SLC4A4: variants seen among roughly 807,000 people sequenced by gnomAD.
The protein encoded by SLC4A4 is electrogenic sodium bicarbonate cotransporter 1.
Under a neutral mutation model 111.5 loss-of-function variants are expected in SLC4A4, and 27 were observed. That is an observed-to-expected ratio of 0.24 (90% confidence interval 0.18 to 0.33). SLC4A4 has a LOEUF of 0.33. Ranked by LOEUF, SLC4A4 falls within the 10% of genes least tolerant of loss-of-function variation. The pLI, the probability that SLC4A4 is intolerant of heterozygous loss-of-function variation, is 1.00. For synonymous variants in SLC4A4, 443 were observed against 463.4 expected, an observed-to-expected ratio of 0.96 and a Z score of 0.57; for missense variants, 909 against 1,315.5, an observed-to-expected ratio of 0.69 and a Z score of 4.78.
intron 11 of SLC4A4, among the ~76,000 whole-genome samples, chr4:71,453,036 G>A (rs759926582): frequency 1.1e-4 from 16 of 152,154 alleles, no homozygotes; most frequent in Non-Finnish European, 2.4e-4. Context: ...ACTCAGAAGA[G>A]TGCCAGAGTG....
chr4:71,229,785 GA>G (rs1430090790), intron 1 of SLC4A4, among the ~76,000 whole-genome samples: 10 of 150,250 alleles, frequency 6.7e-5, no homozygotes, highest in Admixed American at 4.6e-4. Context: ...CTGTGGGAAT[GA>G]AAGGCCTTCT....
At chr4:71,544,073 A>G (rs1735297682) in intron 18 of SLC4A4, among the ~76,000 whole-genome samples, 1 of 152,216 alleles carries the variant, frequency 6.6e-6, no homozygotes, top group East Asian at 1.9e-4. Flanking sequence ...CATATTACTT[A>G]CAGTCTAATG....
At chr4:71,246,973 C>T (rs1720712438) in intron 2 of SLC4A4, among the ~76,000 whole-genome samples, 1 of 152,056 alleles carries the variant, frequency 6.6e-6, no homozygotes, top group Non-Finnish European at 1.5e-5. Flanking sequence ...GCTGCTGTGT[C>T]AATGAATGTC....
chr4:71,416,197 A>G (rs1721808972), intron 7 of SLC4A4, among the ~76,000 whole-genome samples: 1 of 152,190 alleles, frequency 6.6e-6, no homozygotes, highest in Admixed American at 6.5e-5. Flanking sequence ...TGCCTTTTCT[A>G]GTTTTGTGAT....
At chr4:71,300,665 G>T in intron 3 of SLC4A4, 1 of 382,386 alleles carries the variant, frequency 2.6e-6, no homozygotes. Context: ...TCCAGGATGA[G>T]GAGCAGCAGG....
chr4:71,240,665 T>TA (rs200425406), intron 2 of SLC4A4, among the ~76,000 whole-genome samples: 1 of 152,130 alleles, frequency 6.6e-6, no homozygotes, highest in Non-Finnish European at 1.5e-5. Flanking sequence ...TCAGGAAAAG[T>TA]AAAAAAAGTA....
intron 6 of SLC4A4, among the ~76,000 whole-genome samples, chr4:71,373,060 A>G (rs1056243423): frequency 1.3e-5 from 2 of 152,200 alleles, no homozygotes; most frequent in Admixed American, 6.5e-5. Flanking sequence ...TTAAAATTAC[A>G]TAATTTTTCT....
intron 6 of SLC4A4, among the ~76,000 whole-genome samples, chr4:71,391,006 T>C (rs180943821): frequency 1.3e-5 from 2 of 152,252 alleles, no homozygotes; most frequent in East Asian, 3.9e-4. Flanking sequence ...TACTCTCGAA[T>C]ATAGACATTT....
At chr4:71,160,819 A>C (rs16845938) in intron 2 of SLC4A4, among the ~76,000 whole-genome samples, 16,352 of 152,204 alleles carry the variant, frequency 0.11, 1,547 homozygotes, top group African/African-American at 0.25. Flanking sequence ...AATTAAAAAC[A>C]AAAGGATTTG....
chr4:71,546,920 A>G (rs1244489809), intron 19 of SLC4A4, among the ~76,000 whole-genome samples: 1 of 151,884 alleles, frequency 6.6e-6, no homozygotes, highest in Non-Finnish European at 1.5e-5. Context: ...TTTCCAATTC[A>G]TTTTCTGTCC....
At chr4:71,547,811 G>A (rs1301915465) in intron 20 of SLC4A4, 91 bp downstream of exon 20, 4 of 1,093,320 alleles carry the variant, frequency 3.7e-6, no homozygotes, top group African/African-American at 1.5e-5. Flanking sequence ...AGATATTTGC[G>A]AGATTCTCAT....
In SLC4A4 at chr4:71,496,749, C is replaced by T. The variant is rs564762194; in HGVS notation, c.1975-752C>T. On this transcript the variant is annotated intron_variant, in intron 15 of 25. Coordinates refer to ENST00000264485, the MANE Select transcript of SLC4A4 (RefSeq NM_001098484.3). ...TGAGCTGCTAGAGGGAAGCACAGCA[C>T]TGACCCCACAACAGCCATACATGAA... Among the ~76,000 whole-genome samples, 6 of 152,124 alleles carry T rather than the reference C, an allele frequency of 3.9e-5. 1 individual carries two copies. The South Asian group carries it at 1.2e-3, about 32-fold the overall frequency.
At chr4:71,345,669 C>T (rs1012673449) in intron 4 of SLC4A4, among the ~76,000 whole-genome samples, 5 of 152,114 alleles carry the variant, frequency 3.3e-5, no homozygotes, top group Admixed American at 1.3e-4. Context: ...TAAGCACCAA[C>T]ATGTGCACTT....
chr4:71,124,609 T>C (rs1172213581), intron 2 of SLC4A4, among the ~76,000 whole-genome samples: 1 of 152,240 alleles, frequency 6.6e-6, no homozygotes, highest in African/African-American at 2.4e-5. Flanking sequence ...TTAAAAATTA[T>C]TGCGCTCACT....
intron 2 of SLC4A4, among the ~76,000 whole-genome samples, chr4:71,242,007 A>G (rs554635104): frequency 1.3e-5 from 2 of 152,300 alleles, no homozygotes; most frequent in South Asian, 2.1e-4. Flanking sequence ...ATATTTATAT[A>G]TAGATTTCTT....
chr4:71,360,224 T>G (rs1355773284), intron 6 of SLC4A4, among the ~76,000 whole-genome samples: 1 of 152,204 alleles, frequency 6.6e-6, no homozygotes, highest in Non-Finnish European at 1.5e-5. Flanking sequence ...TGTTAAATAG[T>G]GTGCCGTTGT....
intron 1 of SLC4A4, among the ~76,000 whole-genome samples, chr4:71,229,803 C>G (rs1044629890): frequency 2.7e-5 from 4 of 150,926 alleles, no homozygotes; most frequent in African/African-American, 4.9e-5. Context: ...TTCTTAGAGC[C>G]CCTGCGAAGT....
intron 15 of SLC4A4, among the ~76,000 whole-genome samples, chr4:71,488,890 G>GTGAAA (rs763050354): frequency 1.1e-5 from 1 of 92,352 alleles, no homozygotes; most frequent in African/African-American, 3.2e-5. Context: ...AAGAAAAAAT[G>GTGAAA]TGTGTGTGTG....
intron 7 of SLC4A4, among the ~76,000 whole-genome samples, chr4:71,425,453 A>G (rs1412204650): frequency 6.6e-6 from 1 of 152,074 alleles, no homozygotes; most frequent in Non-Finnish European, 1.5e-5. Flanking sequence ...CAGTGGGAAA[A>G]ACTCCTGTCT....
Sources: allele counts gnomAD v4.1 joint callset (sites outside exome capture counted in the v4.1 genomes callset), GRCh38; gene constraint gnomAD v4.1.1; transcripts MANE v1.5; gene names NCBI Gene and HGNC (gene_info 2026-07-23, HGNC 2026-07-21).